The following COL27A1 variants were observed in gnomAD, a reference collection of about 807,000 sequenced individuals.
COL27A1 encodes collagen alpha-1(XXVII) chain.
Under a neutral mutation model 251.3 loss-of-function variants are expected in COL27A1, and 106 were observed. The ratio of observed to expected loss-of-function variants is 0.42; its 90% confidence interval spans 0.36 to 0.50. The LOEUF is 0.50. Among genes scored for constraint, COL27A1 ranks in the 20% least tolerant of loss-of-function variants. The pLI, the probability that COL27A1 is intolerant of heterozygous loss-of-function variation, is 0.00. For synonymous variants in COL27A1, 1,000 were observed against 986.3 expected (o/e 1.01, Z -0.26); for missense variants, 2,325 against 2,522.8 (o/e 0.92, Z 1.68).
chr9:114,307,647 C>T (rs1829152349), intron 58 of COL27A1, 22 bp from the exon 59 acceptor site: 5 of 1,539,442 alleles, frequency 3.2e-6, no homozygotes, highest in Non-Finnish European at 4.5e-6. Flanking sequence ...CATACATCAC[C>T]TCCATCCCAC....
intron 56 of COL27A1, among the ~76,000 whole-genome samples, chr9:114,302,548 G>A (rs987036129): frequency 6.6e-6 from 1 of 152,056 alleles, no homozygotes; most frequent in African/African-American, 2.4e-5. Context: ...CCAACATGGT[G>A]AAACCCTGTC....
At chr9:114,270,402 T>A (rs1032212689) in intron 35 of COL27A1, among the ~76,000 whole-genome samples, 7 of 152,204 alleles carry the variant, frequency 4.6e-5, no homozygotes, top group Admixed American at 3.9e-4. Flanking sequence ...GAGATGATGT[T>A]CAGGACAAAT....
intron 1 of COL27A1, among the ~76,000 whole-genome samples, chr9:114,158,555 T>C (rs1848281129): frequency 6.6e-6 from 1 of 152,212 alleles, no homozygotes. Context: ...CTGGTCTTCC[T>C]GACATTCTGG....
intron 49 of COL27A1, among the ~76,000 whole-genome samples, chr9:114,297,835 CA>C (rs1250334456): frequency 6.6e-6 from 1 of 151,934 alleles, no homozygotes; most frequent in Non-Finnish European, 1.5e-5. Context: ...ACTAATAAAC[CA>C]AAGTTGCAGG....
At chr9:114,245,225 G>A (rs565462769) in intron 23 of COL27A1, among the ~76,000 whole-genome samples, 2 of 141,824 alleles carry the variant, frequency 1.4e-5, no homozygotes, top group African/African-American at 5.3e-5. Flanking sequence ...GTGCAATCTC[G>A]GCTCACTGCA....
chr9:114,159,809 A>G (rs751009808), intron 1 of COL27A1, among the ~76,000 whole-genome samples: 23 of 152,316 alleles, frequency 1.5e-4, no homozygotes, highest in Middle Eastern at 6.8e-3. Context: ...GGATGGAAGT[A>G]CCTGCCTTCC....
rs527883436 is a variant in COL27A1 at position 114,310,757 on chromosome 9, G to C, written c.*62G>C. Reference sequence around the variant, plus strand: ...AGGGAAGAGGAAGAGGCAAGGGGAGGGTACTGAGGGGCAGATGGCTCCAGG... The same window carrying C: ...AGGGAAGAGGAAGAGGCAAGGGGAGCGTACTGAGGGGCAGATGGCTCCAGG... On this transcript the variant is annotated 3_prime_UTR_variant, in exon 61 of 61. Coordinates refer to ENST00000356083, the MANE Select transcript of COL27A1 (RefSeq NM_032888.4). The C allele has an allele frequency of 6.3e-7, 1 of 1,575,534 alleles. No homozygotes were observed. Among genetic ancestry groups the C allele is most frequent in the Admixed American group, 1.7e-5 (1 of 59,024 alleles).
chr9:114,306,721 C>G lies in COL27A1; in HGVS notation c.5107+33C>G, dbSNP rs765220477. On this transcript the variant is annotated intron_variant, in intron 58 of 60. Transcript: ENST00000356083. ...GGCTTCCTGCCGGGGGTGGGTGCGC[C>G]TGGCGGTGGGGAGCTGGGGCAGGTG... 3 of 1,604,244 alleles carry G rather than the reference C, an allele frequency of 1.9e-6. No individual in the cohort carries two copies. In the Admixed American group the frequency reaches 5.2e-5, roughly 28 times the overall value.
intron 2 of COL27A1, among the ~76,000 whole-genome samples, chr9:114,162,998 G>A (rs951972215): frequency 1.3e-5 from 2 of 152,100 alleles, no homozygotes; most frequent in Non-Finnish European, 2.9e-5. Context: ...CGCTTTGGGA[G>A]GCCGAGGTGG....
intron 2 of COL27A1, 69 bp from the exon 3 acceptor site, chr9:114,167,620 G>A: frequency 7.4e-7 from 1 of 1,359,004 alleles, no homozygotes; most frequent in Non-Finnish European, 1.0e-6. Flanking sequence ...GTGCCCCTTA[G>A]GGGGTAGGGG....
intron 14 of COL27A1, among the ~76,000 whole-genome samples, chr9:114,223,100 C>T (rs1023640478): frequency 1.2e-4 from 19 of 152,118 alleles, no homozygotes; most frequent in Non-Finnish European, 2.6e-4. Context: ...GCCCCTGCTG[C>T]GCTTTCAGTG....
rs1462062658 is a variant in COL27A1, at chr9:114,290,907, C to T, written c.4466C>T (p.Pro1489Leu). 2 of 1,551,156 alleles carry T rather than the reference C, an allele frequency of 1.3e-6. No homozygotes were observed. The highest frequency in any genetic ancestry group is 1.7e-6 in the Non-Finnish European group (2 of 1,146,666). Residue 1489 changes from proline to leucine, a missense_variant, in exon 48 of 61, where the codon CCA (proline) becomes CTA (leucine). By Grantham distance (98) the Pro-to-Leu change is moderately conservative. This residue lies in a region of COL27A1 where 153 missense variants were observed against 140.7 expected (regional missense o/e 1.09). Transcript: ENST00000356083. This position sits in a 1 kb window ranked among gnomAD's most constrained non-coding sequence, Gnocchi z 4.6. ...GGCTTACCTGGAGCACAGGGACCCCCAGGATTCAAGGTCAGATACCTCTTA... is the reference window on the plus strand; with the variant it reads ...GGCTTACCTGGAGCACAGGGACCCCTAGGATTCAAGGTCAGATACCTCTTA... ...VAGLPGAQGP[P>L]GFKGESGLPG...
intron 3 of COL27A1, among the ~76,000 whole-genome samples, chr9:114,174,714 C>T (rs4406486): frequency 1.3e-5 from 2 of 151,986 alleles, no homozygotes; most frequent in Non-Finnish European, 2.9e-5. Context: ...CAAACTAAGG[C>T]CCGGAGGCCC....
rs139712391 is a variant in COL27A1, at chr9:114,179,832, CTTTTTTTTTT to C, written c.1962+1505_1962+1514del. On this transcript the variant is annotated intron_variant, in intron 4 of 60. Transcript: ENST00000356083. The stretch of plus-strand genomic sequence containing the variant: ...GCAGTCTGCCTCCAGAGCCTACCAT[CTTTTTTTTTT>C]TTTTTTTTTTTTTTTTGCCAGAGTC... Among the ~76,000 whole-genome samples, 612 of 100,182 alleles carry C rather than the reference CTTTTTTTTTT, an allele frequency of 6.1e-3. 8 individuals are homozygous for C. Among genetic ancestry groups the C allele is most frequent in the African/African-American group, 0.021 (566 of 27,296 alleles). 65.7% of individuals were successfully genotyped at this position (100,182 alleles called of 152,430 possible).
Position 114,290,235 on chromosome 9 carries a change from G to C in COL27A1, c.4272G>C (p.Gly1424=). ...TATGTACCCCCCAGGGCCTGCAGGG[G>C]CTGCCAGGGCCCCGGGGCGTGGTGG... ...PGRRGVQGLQ[G]LPGPRGVVGR... is the part of the protein sequence containing the mutation. The change falls in exon 47 of 61, where the codon GGG becomes GGC. Residue 1424 remains glycine (G), a synonymous_variant. Transcript: ENST00000356083. The surrounding 1 kb of genome is among the most constrained non-coding windows in gnomAD (Gnocchi z 4.6). 1 of 1,571,752 alleles carries C rather than the reference G, an allele frequency of 6.4e-7. No individual in the cohort carries two copies. The highest frequency in any genetic ancestry group is 8.6e-7 in the Non-Finnish European group (1 of 1,158,128).
chr9:114,209,892 C>A (rs908605523), intron 11 of COL27A1, among the ~76,000 whole-genome samples, 164 bp downstream of exon 11: 2 of 152,178 alleles, frequency 1.3e-5, no homozygotes, highest in African/African-American at 4.8e-5. Context: ...CAGATGCATT[C>A]CAGGCATAGG....
chr9:114,264,478 C>T, intron 29 of COL27A1, 70 bp downstream of exon 29: 1 of 1,245,970 alleles, frequency 8.0e-7, no homozygotes, highest in Non-Finnish European at 1.1e-6. Context: ...ACAAGGCTCA[C>T]AGCTCCTCAG....
At chr9:114,283,995 A>G (rs755560873) in intron 40 of COL27A1, among the ~76,000 whole-genome samples, 3 of 152,200 alleles carry the variant, frequency 2.0e-5, no homozygotes, top group Non-Finnish European at 4.4e-5. Flanking sequence ...GTGCCACCCC[A>G]AGCCTTCTTG....
intron 16 of COL27A1, among the ~76,000 whole-genome samples, 162 bp from the exon 17 acceptor site, chr9:114,235,437 C>T (rs1832308097): frequency 6.6e-6 from 1 of 152,202 alleles, no homozygotes; most frequent in Non-Finnish European, 1.5e-5. Flanking sequence ...CGCCTGCTTT[C>T]CTCGCCAGGG....
Sources: allele counts gnomAD v4.1 joint callset (sites outside exome capture counted in the v4.1 genomes callset), GRCh38; gene constraint gnomAD v4.1.1; regional missense constraint gnomAD v4.1.1; non-coding constraint Gnocchi (gnomAD v3.1); transcripts MANE v1.5; gene names NCBI Gene and HGNC (gene_info 2026-07-23, HGNC 2026-07-21).